TRAPPC12: variants seen among roughly 807,000 people sequenced by gnomAD.
TRAPPC12 encodes the protein TPR repeat protein 15.
In TRAPPC12, 61 loss-of-function variants were observed where a neutral mutation model predicts 69.2. The observed-to-expected ratio is 0.88, with a 90% CI of 0.72 to 1.09. The LOEUF is 1.09. TRAPPC12 is among the 50% of genes least tolerant of loss of function. The probability of loss-of-function intolerance (pLI) is 0.00; values close to 1 mark genes in which losing one functional copy is unlikely to be tolerated. For synonymous variants in TRAPPC12, 469 were observed against 438.9 expected, an observed-to-expected ratio of 1.07 and a Z score of -0.86; for missense variants, 1,101 against 1,016.4, an observed-to-expected ratio of 1.08 and a Z score of -1.13.
chr2:3,415,747 C>T (rs1473702064), intron 3 of TRAPPC12, among the ~76,000 whole-genome samples: 13 of 134,198 alleles, frequency 9.7e-5, no homozygotes, highest in African/African-American at 3.1e-4. Flanking sequence ...GGCAGAGTCT[C>T]GCTCTGTTGC....
chr2:3,438,966 G>A (rs1664047081), intron 5 of TRAPPC12, among the ~76,000 whole-genome samples: 1 of 152,044 alleles, frequency 6.6e-6, no homozygotes. Flanking sequence ...AAATCTCTAG[G>A]ACTGTGATTG....
intron 5 of TRAPPC12, among the ~76,000 whole-genome samples, chr2:3,427,487 A>T (rs2103066546): frequency 6.6e-6 from 1 of 152,372 alleles, no homozygotes; most frequent in East Asian, 1.9e-4. Flanking sequence ...CGTGTGAATT[A>T]TAGATTCAAA....
chr2:3,422,903 A>C (rs765287871), intron 4 of TRAPPC12, among the ~76,000 whole-genome samples: 6 of 152,236 alleles, frequency 3.9e-5, no homozygotes, highest in Admixed American at 6.5e-5. Context: ...CATTCCATAA[A>C]CTACCTCCAA....
At chr2:3,393,518 C>A (rs991286029) in intron 2 of TRAPPC12, among the ~76,000 whole-genome samples, 1 of 152,176 alleles carries the variant, frequency 6.6e-6, no homozygotes, top group African/African-American at 2.4e-5. Context: ...TATACACACA[C>A]ACACAGTAAC....
chr2:3,464,186 C>T (rs1346128854), intron 8 of TRAPPC12, among the ~76,000 whole-genome samples: 1 of 140,800 alleles, frequency 7.1e-6, no homozygotes, highest in South Asian at 2.1e-4. Flanking sequence ...ACACAATGCT[C>T]ACACACGCTT....
intron 8 of TRAPPC12, among the ~76,000 whole-genome samples, chr2:3,465,285 T>A (rs1038651867): frequency 6.6e-6 from 1 of 152,182 alleles, no homozygotes; most frequent in African/African-American, 2.4e-5. Context: ...AAGTGAAATA[T>A]GAATCGCTGT....
At chr2:3,453,455 G>A (rs567214083) in intron 6 of TRAPPC12, among the ~76,000 whole-genome samples, 1 of 152,318 alleles carries the variant, frequency 6.6e-6, no homozygotes, top group Non-Finnish European at 1.5e-5. Flanking sequence ...TTACTGCTCT[G>A]TGCATCTTCC....
chr2:3,449,815 T>C (rs1325368573), intron 6 of TRAPPC12, among the ~76,000 whole-genome samples: 1 of 152,168 alleles, frequency 6.6e-6, no homozygotes, highest in East Asian at 1.9e-4. Flanking sequence ...TCTTTTCTGC[T>C]GCTTCCACAG....
intron 2 of TRAPPC12, among the ~76,000 whole-genome samples, chr2:3,395,949 C>T: frequency 6.6e-6 from 1 of 152,128 alleles, no homozygotes; most frequent in Non-Finnish European, 1.5e-5. Flanking sequence ...AGGCTGGTCT[C>T]AATCTCCTGA....
In TRAPPC12 at chr2:3,443,941, C is replaced by T. The variant is rs761148959; in HGVS notation, c.1530+50C>T. The T allele has an allele frequency of 2.6e-5, 36 of 1,390,662 alleles. 1 individual carries two copies. The South Asian group carries it at 3.8e-4, about 15-fold the overall frequency. 86.1% of individuals were successfully genotyped at this position (1,390,662 alleles called of 1,614,324 possible). ...TGCCACGGGGAGAACATGCCCTCCA[C>T]GCCCTCCCCACAGGACATGCCCGTG... On this transcript the variant is annotated intron_variant, in intron 6 of 11. Transcript: ENST00000324266.
In TRAPPC12 at chr2:3,414,236, T is replaced by C. The variant is rs933817065; in HGVS notation, c.1165-7645T>C. Among the ~76,000 whole-genome samples, 2 of 152,220 alleles carry C rather than the reference T, an allele frequency of 1.3e-5. No homozygotes were observed. Among genetic ancestry groups the C allele is most frequent in the African/African-American group, 4.8e-5 (2 of 41,448 alleles). The stretch of plus-strand genomic sequence containing the variant: ...TTTCCATCAGCAGTAGGACTGCAGA[T>C]TCAGCTCATTCAGTTTGGGAAATGT... On this transcript the variant is annotated intron_variant, in intron 3 of 11. Coordinates refer to ENST00000324266, the MANE Select transcript of TRAPPC12 (RefSeq NM_016030.6). The surrounding 1 kb of genome is among the most constrained non-coding windows in gnomAD (Gnocchi z 4.9).
intron 8 of TRAPPC12, chr2:3,460,595 T>G: frequency 2.3e-6 from 1 of 437,076 alleles, no homozygotes. Context: ...ATGATTTAAT[T>G]AAAAGTATTG....
At chr2:3,409,025 G>A (rs1661887906) in intron 3 of TRAPPC12, among the ~76,000 whole-genome samples, 1 of 152,212 alleles carries the variant, frequency 6.6e-6, no homozygotes, top group Non-Finnish European at 1.5e-5. Context: ...CAGTCTCCTG[G>A]CGGCTGTGAT....
rs566111709 is a variant in TRAPPC12 at position 3,426,345 on chromosome 2, CACT to C, written c.1417+1684_1417+1686del. 4.6e-5 allele frequency among the ~76,000 whole-genome samples: 7 copies of C among 152,308 alleles called. No individual in the cohort carries two copies. In the East Asian group the frequency reaches 1.3e-3, roughly 29 times the overall value. On this transcript the variant is annotated intron_variant, in intron 5 of 11. Coordinates refer to ENST00000324266, the MANE Select transcript of TRAPPC12 (RefSeq NM_016030.6). ...CAGAGTCAAGAAGGACCAGCAACAC[CACT>C]ATCACTCTCGGACGTAGGACTCTGT...
intron 3 of TRAPPC12, among the ~76,000 whole-genome samples, chr2:3,421,094 C>T (rs1662755825): frequency 6.6e-6 from 1 of 152,174 alleles, no homozygotes; most frequent in Admixed American, 6.5e-5. Flanking sequence ...GGACATCTAC[C>T]GTATTCAAAG....
intron 10 of TRAPPC12, 126 bp from the exon 11 acceptor site, chr2:3,478,719 CA>C (rs1273411745): frequency 5.5e-6 from 4 of 727,364 alleles, no homozygotes; most frequent in Admixed American, 2.6e-5. Context: ...ACCTGGAGAT[CA>C]GGAACCCCGG....
intron 6 of TRAPPC12, among the ~76,000 whole-genome samples, chr2:3,454,387 C>T (rs1040525929): frequency 3.4e-4 from 50 of 147,654 alleles, no homozygotes; most frequent in Admixed American, 1.1e-3. Context: ...CCTACCCCTG[C>T]GCCTTCCCAG....
At chr2:3,441,543 T>A (rs1032967639) in intron 5 of TRAPPC12, among the ~76,000 whole-genome samples, 1 of 151,728 alleles carries the variant, frequency 6.6e-6, no homozygotes, top group Non-Finnish European at 1.5e-5. Flanking sequence ...TCAAAGAATA[T>A]GTTTTTGGTT....
intron 3 of TRAPPC12, among the ~76,000 whole-genome samples, chr2:3,416,335 G>C (rs1662392019): frequency 6.6e-6 from 1 of 152,120 alleles, no homozygotes; most frequent in African/African-American, 2.4e-5. Context: ...ACTTCCACAG[G>C]TAGGTTTCTT....
Sources: allele counts gnomAD v4.1 joint callset (sites outside exome capture counted in the v4.1 genomes callset), GRCh38; gene constraint gnomAD v4.1.1; non-coding constraint Gnocchi (gnomAD v3.1); transcripts MANE v1.5; gene names NCBI Gene and HGNC (gene_info 2026-07-23, HGNC 2026-07-21).